Variants in ZKSCAN7 observed in about 807,000 individuals in gnomAD.
ZKSCAN7 encodes the protein zinc finger with KRAB and SCAN domains 7.
A neutral mutation model predicts 65.3 loss-of-function variants in ZKSCAN7; 38 were observed. The observed-to-expected ratio is 0.58, with a 90% CI of 0.45 to 0.76. The LOEUF (loss-of-function observed/expected upper bound fraction) is 0.76, where lower values mean the gene tolerates loss of function less well. Ranked by LOEUF, ZKSCAN7 falls within the 30% of genes least tolerant of loss-of-function variation. The pLI, the probability that ZKSCAN7 is intolerant of heterozygous loss-of-function variation, is 0.00. For synonymous variants in ZKSCAN7, 321 were observed against 321.0 expected, an observed-to-expected ratio of 1.00 and a Z score of 0.00; for missense variants, 815 against 913.3, an observed-to-expected ratio of 0.89 and a Z score of 1.39.
intron 2 of ZKSCAN7, 24 bp from the exon 3 acceptor site, chr3:44,565,463 C>T: frequency 6.3e-7 from 1 of 1,575,090 alleles, no homozygotes. Flanking sequence ...TCTTTTGAAC[C>T]CAATTGTATT....
In ZKSCAN7 at chr3:44,571,496, C is replaced by T. The variant is rs1699808921; in HGVS notation, c.*121C>T. 5.7e-6 allele frequency: 9 copies of T among 1,585,938 alleles called. No homozygotes were observed. Among genetic ancestry groups the T allele is most frequent in the Non-Finnish European group, 6.8e-6 (8 of 1,170,974 alleles). ...GTGGACCATTCCCTACTTGCTTTTC[C>T]TTGGATCACTAAGGTGGGAGAGTAG... is the stretch of plus-strand genomic sequence containing the variant. On this transcript the variant is annotated 3_prime_UTR_variant, in exon 6 of 6. Coordinates refer to ENST00000426540, the MANE Select transcript of ZKSCAN7 (RefSeq NM_001288590.2).
chr3:44,570,109 A>G lies in ZKSCAN7; in HGVS notation c.999A>G (p.Arg333=). The G allele has an allele frequency of 6.2e-7, 1 of 1,614,012 alleles. No homozygotes were observed. Among genetic ancestry groups the G allele is most frequent in the Non-Finnish European group, 8.5e-7 (1 of 1,179,982 alleles). Residue 333 remains arginine, a synonymous_variant, in exon 6 of 6, where the codon AGA becomes AGG. Coordinates refer to ENST00000426540, the MANE Select transcript of ZKSCAN7 (RefSeq NM_001288590.2). ...EGQTSDEEGS[R]LENDFLEITD... is the part of the protein sequence containing the mutation. ...AAACCTCAGATGAAGAAGGGAGCAG[A>G]CTAGAAAATGATTTCTTGGAAATAA...
intron 5 of ZKSCAN7, chr3:44,578,170 C>T: frequency 6.6e-7 from 1 of 1,522,868 alleles, no homozygotes; most frequent in Non-Finnish European, 9.1e-7. Context: ...ATGTCACAGT[C>T]AGCCTTAGCC....
downstream of ZKSCAN7, among the ~76,000 whole-genome samples, chr3:44,577,144 T>G (rs1053745266): frequency 6.6e-6 from 1 of 152,004 alleles, no homozygotes; most frequent in Non-Finnish European, 1.5e-5. Flanking sequence ...TTAAAAAAAT[T>G]TTTATAGAGA....
intron 1 of ZKSCAN7, among the ~76,000 whole-genome samples, chr3:44,556,314 A>G (rs1467640392): frequency 6.6e-6 from 1 of 152,230 alleles, no homozygotes; most frequent in Non-Finnish European, 1.5e-5. Flanking sequence ...CAGGAAAACC[A>G]AGAAAAAGTT....
At chr3:44,555,991 G>A (rs1004703159) in intron 1 of ZKSCAN7, among the ~76,000 whole-genome samples, 1 of 152,328 alleles carries the variant, frequency 6.6e-6, no homozygotes, top group Middle Eastern at 3.4e-3. Flanking sequence ...GAAAGCAGGG[G>A]AGACAGTCGT....
At chr3:44,580,760 C>G in intron 5 of ZKSCAN7, 1 of 1,613,696 alleles carries the variant, frequency 6.2e-7, no homozygotes, top group Non-Finnish European at 8.5e-7. Context: ...GGGTCGTGGG[C>G]ATCTCATCCA....
At chr3:44,580,211 G>A (rs1049837661) in intron 5 of ZKSCAN7, 18 of 1,611,706 alleles carry the variant, frequency 1.1e-5, no homozygotes, top group East Asian at 8.9e-5. Flanking sequence ...CCTTCAAGTC[G>A]TGTTTGGTCT....
At chr3:44,582,259 A>C (rs902263106) in intron 5 of ZKSCAN7, among the ~76,000 whole-genome samples, 1 of 152,238 alleles carries the variant, frequency 6.6e-6, no homozygotes, top group Non-Finnish European at 1.5e-5. Context: ...ACCCAGGTGG[A>C]TGCCAAGTAG....
At chr3:44,561,905 C>T (rs1434527318) in intron 2 of ZKSCAN7, among the ~76,000 whole-genome samples, 1 of 152,194 alleles carries the variant, frequency 6.6e-6, no homozygotes, top group South Asian at 2.1e-4. Flanking sequence ...AGTGCCTGTG[C>T]CTTTTCCAGG....
intron 5 of ZKSCAN7, chr3:44,580,707 A>G (rs988083632): frequency 1.9e-6 from 3 of 1,613,742 alleles, no homozygotes; most frequent in African/African-American, 1.3e-5. Context: ...CTCCCCATCC[A>G]CCACATCTGT....
intron 5 of ZKSCAN7, chr3:44,580,835 G>C: frequency 6.2e-7 from 1 of 1,613,426 alleles, no homozygotes; most frequent in Non-Finnish European, 8.5e-7. Context: ...TCGGAGACCG[G>C]TGCACTGAGT....
chr3:44,558,763 G>T (rs1253558178), intron 2 of ZKSCAN7, among the ~76,000 whole-genome samples: 5 of 133,568 alleles, frequency 3.7e-5, no homozygotes, highest in Non-Finnish European at 3.2e-5. Flanking sequence ...TTCCTCGTCT[G>T]CTTTCTCCTT....
At chr3:44,578,332 T>C (rs1699970824) in intron 5 of ZKSCAN7, 1 of 1,599,188 alleles carries the variant, frequency 6.3e-7, no homozygotes, top group South Asian at 1.1e-5. Flanking sequence ...AGACTTCTAG[T>C]TCATAGGCAT....
chr3:44,582,663 T>C (rs1301592400), intron 5 of ZKSCAN7, among the ~76,000 whole-genome samples: 2 of 152,166 alleles, frequency 1.3e-5, no homozygotes. Flanking sequence ...ATAAGGGCAA[T>C]AGAAGCTGGA....
At chr3:44,566,536 G>A (rs1443347841) in intron 3 of ZKSCAN7, among the ~76,000 whole-genome samples, 1 of 152,102 alleles carries the variant, frequency 6.6e-6, no homozygotes, top group Non-Finnish European at 1.5e-5. Context: ...GGGGAGGCAG[G>A]GGAATTAGAA....
chr3:44,568,118 C>T (rs1575369820), intron 4 of ZKSCAN7, 115 bp downstream of exon 4: 2 of 1,530,664 alleles, frequency 1.3e-6, no homozygotes, highest in East Asian at 4.8e-5. Flanking sequence ...GGCTCTCCTG[C>T]CTCATTACTT....
intron 2 of ZKSCAN7, among the ~76,000 whole-genome samples, chr3:44,564,410 A>G (rs1309915972): frequency 2.0e-5 from 3 of 152,240 alleles, no homozygotes; most frequent in African/African-American, 7.2e-5. Flanking sequence ...TTAATTGAAC[A>G]CCATTGTAGG....
chr3:44,568,285 C>T (rs763961664), intron 4 of ZKSCAN7, 22 bp from the exon 5 acceptor site: 63 of 1,607,792 alleles, frequency 3.9e-5, no homozygotes, highest in African/African-American at 8.0e-5. Context: ...TGTTCCTGAG[C>T]GATTGGAGCT....
Sources: gnomAD v4.1 joint callset for allele counts (sites outside exome capture counted in the v4.1 genomes callset) on GRCh38, gnomAD v4.1.1 for gene constraint, MANE v1.5 for transcripts, NCBI Gene and HGNC (gene_info 2026-07-23, HGNC 2026-07-21) for gene names.